PCDH15: variants seen among roughly 807,000 people sequenced by gnomAD.
PCDH15 encodes the protein protocadherin related 15.
PCDH15 carries 129 observed loss-of-function variants against 178.5 expected under a neutral mutation model. That is an observed-to-expected ratio of 0.72 (90% confidence interval 0.63 to 0.84). The LOEUF is 0.84. PCDH15 is among the 40% of genes least tolerant of loss of function. PCDH15 has a pLI of 0.00. For missense variants in PCDH15, 2,230 were observed against 2,099.9 expected, an observed-to-expected ratio of 1.06 and a Z score of -1.21; for synonymous variants, 800 against 732.0, an observed-to-expected ratio of 1.09 and a Z score of -1.50.
intron 1 of PCDH15, among the ~76,000 whole-genome samples, chr10:55,220,701 T>TG (rs1175458682): frequency 1.8e-4 from 28 of 152,172 alleles, no homozygotes; most frequent in African/African-American, 6.0e-4. Context: ...CATGATTCTC[T>TG]GGGGGCATGA....
intron 15 of PCDH15, among the ~76,000 whole-genome samples, chr10:54,104,100 G>A (rs1206929804): frequency 6.6e-6 from 1 of 152,088 alleles, no homozygotes; most frequent in Non-Finnish European, 1.5e-5. Context: ...TATTTTTCCT[G>A]GCAACTGCCT....
chr10:55,336,694 C>T (rs901506014), intron 2 of PCDH15, among the ~76,000 whole-genome samples: 3 of 151,972 alleles, frequency 2.0e-5, no homozygotes, highest in African/African-American at 7.3e-5. Flanking sequence ...CCCTTTCACC[C>T]CCTCATCCCC....
chr10:55,292,634 G>A (rs953582028), intron 1 of PCDH15, among the ~76,000 whole-genome samples: 2 of 152,050 alleles, frequency 1.3e-5, no homozygotes, highest in Non-Finnish European at 2.9e-5. Context: ...TACCCACCTC[G>A]GCCTTCCAAA....
intron 2 of PCDH15, among the ~76,000 whole-genome samples, chr10:55,010,364 T>C (rs1840021394): frequency 6.6e-6 from 1 of 152,164 alleles, no homozygotes. Flanking sequence ...CCTGAGCTCA[T>C]GGAAATTCCT....
Position 55,140,233 on chromosome 10 carries a change from T to C in PCDH15, c.-80+26343A>G, listed in dbSNP as rs150660162. On this transcript the variant is annotated intron_variant, in intron 2 of 5. Transcript: ENST00000458638. Reference sequence around the variant, plus strand: ...ATCATCTGCAAATAAGGATGGCTTATTGCACTAGCTAGAATTTTTGGTACT... The same window carrying C: ...ATCATCTGCAAATAAGGATGGCTTACTGCACTAGCTAGAATTTTTGGTACT... Among the ~76,000 whole-genome samples the C allele has an allele frequency of 3.5e-3, 532 of 151,998 alleles. 3 individuals carry two copies. The highest frequency in any genetic ancestry group is 0.012 in the African/African-American group (517 of 41,554).
intron 2 of PCDH15, among the ~76,000 whole-genome samples, chr10:55,327,214 G>C (rs1330100954): frequency 6.6e-6 from 1 of 152,032 alleles, no homozygotes; most frequent in Non-Finnish European, 1.5e-5. Flanking sequence ...TACAAAGTCA[G>C]CCATCTATGA....
chr10:54,861,211 A>T (rs545140589), intron 3 of PCDH15, among the ~76,000 whole-genome samples: 1 of 152,246 alleles, frequency 6.6e-6, no homozygotes, highest in South Asian at 2.1e-4. Flanking sequence ...AGGCAGATGC[A>T]TTGATAGACT....
chr10:54,477,934 C>CCA (rs1330015747), intron 3 of PCDH15, among the ~76,000 whole-genome samples: 5 of 152,090 alleles, frequency 3.3e-5, no homozygotes, highest in African/African-American at 1.2e-4. Context: ...TTGGCAGAGA[C>CCA]CACCTACTGT....
chr10:54,595,130 C>T (rs12265998), intron 2 of PCDH15, among the ~76,000 whole-genome samples: 2,676 of 152,182 alleles, frequency 0.018, 80 homozygotes, highest in African/African-American at 0.062. Flanking sequence ...TGGAGGATGC[C>T]GCTGGTACAT....
intron 8 of PCDH15, among the ~76,000 whole-genome samples, chr10:54,296,051 A>G (rs1463072244): frequency 2.0e-5 from 3 of 146,718 alleles, no homozygotes; most frequent in African/African-American, 7.6e-5. Flanking sequence ...AGGCTGAGGC[A>G]GGAGAATGGC....
Position 53,980,871 on chromosome 10 carries a change from G to T in PCDH15, c.2868+14778C>A, listed in dbSNP as rs536436512. ...TATTATAAAGGAATCAATTTTTTTTGGTTCATGATTTAGGTATCTTTCTAA... is the reference window on the plus strand; with the variant it reads ...TATTATAAAGGAATCAATTTTTTTTTGTTCATGATTTAGGTATCTTTCTAA... On this transcript the variant is annotated intron_variant, in intron 21 of 37. Coordinates refer to ENST00000644397, the MANE Select transcript of PCDH15 (RefSeq NM_001384140.1). Among the ~76,000 whole-genome samples, 8 of 151,974 alleles carry T rather than the reference G, an allele frequency of 5.3e-5. 1 individual carries two copies. Among genetic ancestry groups the T allele is most frequent in the Non-Finnish European group, 8.8e-5 (6 of 67,952 alleles).
intron 25 of PCDH15, among the ~76,000 whole-genome samples, chr10:53,925,898 C>T (rs1184209443): frequency 2.6e-5 from 4 of 152,156 alleles, no homozygotes; most frequent in East Asian, 1.9e-4. Context: ...AGACTAGCGA[C>T]GCTTGGCATA....
chr10:54,707,041 A>C (rs1278283269), intron 1 of PCDH15, among the ~76,000 whole-genome samples: 1 of 152,224 alleles, frequency 6.6e-6, no homozygotes, highest in African/African-American at 2.4e-5. Flanking sequence ...TAGGGTTTAC[A>C]CATGTTAATA....
chr10:54,153,776 G>A (rs759153414), intron 13 of PCDH15, among the ~76,000 whole-genome samples: 6 of 151,934 alleles, frequency 3.9e-5, no homozygotes, highest in African/African-American at 9.7e-5. Flanking sequence ...TCTCCTCCCT[G>A]TCTCCCAGAC....
intron 2 of PCDH15, among the ~76,000 whole-genome samples, chr10:55,089,539 T>C (rs1842261943): frequency 1.3e-5 from 2 of 152,138 alleles, no homozygotes. Flanking sequence ...AATCTTATTT[T>C]GTATTTCCCC....
At position 55,468,088 on chromosome 10, in the gene PCDH15, G is replaced by T. The variant is rs1170019498; in HGVS notation, c.-156+159537C>A. Among the ~76,000 whole-genome samples, 4 of 150,428 alleles carry T rather than the reference G, an allele frequency of 2.7e-5. No homozygotes were observed. The East Asian group carries it at 8.0e-4, about 30-fold the overall frequency. On this transcript the variant is annotated intron_variant, in intron 2 of 5. Coordinates refer to the PCDH15 transcript ENST00000613346. ...CCTCAAAGAATAAATGTGGATATTTGTGAATTGTCAGAAATGTGTTAGTAA... is the reference window on the plus strand; with the variant it reads ...CCTCAAAGAATAAATGTGGATATTTTTGAATTGTCAGAAATGTGTTAGTAA...
rs547691243 is a variant in PCDH15 at position 53,805,661 on chromosome 10, T to C, written c.*918A>G. On this transcript the variant is annotated 3_prime_UTR_variant, in exon 38 of 38. Transcript: ENST00000644397. ...ACCCTGCCAAATTCCTTTACTCTGA[T>C]ATGCTGGGTTTACAAACTATTAAAG... 3 of 152,234 alleles carry C rather than the reference T, an allele frequency of 2.0e-5. No individual in the cohort carries two copies. The highest frequency in any genetic ancestry group is 4.4e-5 in the Non-Finnish European group (3 of 67,998). 9.4% of individuals were successfully genotyped at this position (152,234 alleles called of 1,614,324 possible). A position where few individuals can be genotyped will look rare whatever the true frequency, so the allele number is the denominator to read the frequency against.
At chr10:54,120,072 T>C (rs1259477872) in intron 15 of PCDH15, among the ~76,000 whole-genome samples, 3 of 152,152 alleles carry the variant, frequency 2.0e-5, no homozygotes, top group African/African-American at 7.2e-5. Flanking sequence ...AGACTTCTGA[T>C]CAGAAGACTT....
chr10:53,924,104 G>A (rs568211468), intron 25 of PCDH15, among the ~76,000 whole-genome samples: 59 of 152,256 alleles, frequency 3.9e-4, no homozygotes, highest in South Asian at 1.4e-3. Context: ...CCTTCAGCCC[G>A]CGGCTGCACT....
Sources: gnomAD v4.1 joint callset for allele counts (sites outside exome capture counted in the v4.1 genomes callset) on GRCh38, gnomAD v4.1.1 for gene constraint, MANE v1.5 for transcripts, NCBI Gene and HGNC (gene_info 2026-07-23, HGNC 2026-07-21) for gene names.